Variants in IPCEF1 observed in about 807,000 individuals in gnomAD.
IPCEF1 encodes the protein interaction protein for cytohesin exchange factors 1, also known as interactor protein for cytohesin exchange factors 1.
In IPCEF1, 31 loss-of-function variants were observed where a neutral mutation model predicts 50.9. The observed-to-expected ratio is 0.61, with a 90% CI of 0.46 to 0.82. IPCEF1 has a LOEUF of 0.82. Ranked by LOEUF, IPCEF1 falls within the 40% of genes least tolerant of loss-of-function variation. The pLI, the probability that IPCEF1 is intolerant of heterozygous loss-of-function variation, is 0.00. For missense variants in IPCEF1, 458 were observed against 514.0 expected (o/e 0.89, Z 1.05); for synonymous variants, 181 against 192.0 (o/e 0.94, Z 0.47).
At chr6:154,214,061 A>G (rs1778185328) in intron 8 of IPCEF1, among the ~76,000 whole-genome samples, 157 bp downstream of exon 8, 1 of 152,218 alleles carries the variant, frequency 6.6e-6, no homozygotes, top group African/African-American at 2.4e-5. Context: ...AGTCTGTGTG[A>G]ATATGTCTGT....
At chr6:154,324,541 C>T (rs974050240) in intron 1 of IPCEF1, among the ~76,000 whole-genome samples, 1 of 152,186 alleles carries the variant, frequency 6.6e-6, no homozygotes, top group African/African-American at 2.4e-5. Context: ...GGTGCAGTGG[C>T]TCACACCTGT....
rs574196104 is a variant in IPCEF1 at position 154,268,099 on chromosome 6, G to A, written c.-17-2135C>T. Among the ~76,000 whole-genome samples the A allele has an allele frequency of 3.9e-5, 6 of 152,290 alleles. No homozygotes were observed. In the East Asian group the frequency reaches 7.7e-4, roughly 20 times the overall value. On this transcript the variant is annotated intron_variant, in intron 2 of 11. Transcript: ENST00000367220. The stretch of plus-strand genomic sequence containing the variant: ...TCTCACCAGGGACCTGCCCCCTTCC[G>A]CCCTGGCATCTGTCTGCCTCCTGCT...
intron 11 of IPCEF1, among the ~76,000 whole-genome samples, chr6:154,164,953 G>A (rs1402765355): frequency 6.6e-6 from 1 of 152,106 alleles, no homozygotes; most frequent in Non-Finnish European, 1.5e-5. Context: ...TCCCTGAAGT[G>A]CATTCATTCC....
chr6:154,291,951 G>A (rs1782527790), intron 1 of IPCEF1, among the ~76,000 whole-genome samples: 1 of 152,076 alleles, frequency 6.6e-6, no homozygotes, highest in Admixed American at 6.5e-5. Context: ...CCAAAGTGCT[G>A]GGATTACAGG....
rs200853397 is a variant in IPCEF1, at chr6:154,195,020, T to TC, written c.910+4647dup. On this transcript the variant is annotated intron_variant, in intron 10 of 11. Coordinates refer to ENST00000367220, the MANE Select transcript of IPCEF1 (RefSeq NM_001130700.2). ...TAGGCATGCTGCAGAACCCCTCATC[T>TC]CCCCTTCCTTCCCGTCTCCACTGCC... is the stretch of plus-strand genomic sequence containing the variant. Among the ~76,000 whole-genome samples, 1,349 of 152,024 alleles carry TC rather than the reference T, an allele frequency of 8.9e-3. 7 individuals carry two copies. Among genetic ancestry groups the TC allele is most frequent in the Non-Finnish European group, 0.013 (896 of 67,936 alleles).
chr6:154,290,810 C>T (rs1782493895), intron 1 of IPCEF1, among the ~76,000 whole-genome samples: 1 of 151,776 alleles, frequency 6.6e-6, no homozygotes, highest in Admixed American at 6.6e-5. Context: ...TTTTACTTCA[C>T]TTTTAAATAC....
chr6:154,351,542 G>A (rs1341377085), intron 1 of IPCEF1, among the ~76,000 whole-genome samples: 1 of 152,204 alleles, frequency 6.6e-6, no homozygotes, highest in Non-Finnish European at 1.5e-5. Flanking sequence ...TTAAAGTAGA[G>A]AGCAAATCTG....
chr6:154,312,588 C>T (rs1221266216), intron 1 of IPCEF1, among the ~76,000 whole-genome samples: 5 of 151,932 alleles, frequency 3.3e-5, no homozygotes, highest in African/African-American at 4.8e-5. Flanking sequence ...CCTCATGATC[C>T]GCCCGCCTCA....
At position 154,294,517 on chromosome 6, in the gene IPCEF1, A is replaced by T. The variant is rs945846253; in HGVS notation, c.-61-4761T>A. ...GCCAAGTATAAAGGGGTTTCCCGAG[A>T]ACCTTCGACTGGCCTGTGCACAGGG... On this transcript the variant is annotated intron_variant, in intron 1 of 11. Coordinates refer to ENST00000367220, the MANE Select transcript of IPCEF1 (RefSeq NM_001130700.2). Among the ~76,000 whole-genome samples the T allele has an allele frequency of 2.0e-5, 3 of 152,078 alleles. No individual in the cohort carries two copies. In the East Asian group the frequency reaches 5.8e-4, roughly 29 times the overall value.
chr6:154,202,082 G>A (rs986832234), intron 9 of IPCEF1, among the ~76,000 whole-genome samples: 17 of 152,156 alleles, frequency 1.1e-4, no homozygotes, highest in African/African-American at 4.1e-4. Context: ...TCTGAGTTTT[G>A]ATGGGAGAAG....
intron 3 of IPCEF1, among the ~76,000 whole-genome samples, chr6:154,261,291 T>C (rs1257624587): frequency 6.6e-6 from 1 of 152,138 alleles, no homozygotes; most frequent in African/African-American, 2.4e-5. Context: ...CCTCCCAAAA[T>C]GCTGGGATTG....
At chr6:154,193,817 A>C (rs1419034100) in intron 10 of IPCEF1, among the ~76,000 whole-genome samples, 4 of 152,254 alleles carry the variant, frequency 2.6e-5, no homozygotes, top group African/African-American at 9.6e-5. Flanking sequence ...CCCCAGCATC[A>C]AACATGACAA....
intron 10 of IPCEF1, among the ~76,000 whole-genome samples, chr6:154,194,732 C>G (rs372910944): frequency 1.3e-5 from 2 of 152,168 alleles, no homozygotes; most frequent in African/African-American, 4.8e-5. Context: ...GAATGGCCTA[C>G]TTAAATCACA....
At chr6:154,352,908 A>C (rs1784141781) in intron 1 of IPCEF1, among the ~76,000 whole-genome samples, 1 of 152,238 alleles carries the variant, frequency 6.6e-6, no homozygotes, top group Non-Finnish European at 1.5e-5. Flanking sequence ...GGGAGATTTA[A>C]ATTTAACTTA....
Position 154,167,991 on chromosome 6 carries a change from C to T in IPCEF1, c.1033G>A (p.Val345Ile). 1.2e-6 allele frequency: 2 copies of T among 1,611,664 alleles called. No individual in the cohort carries two copies. Among genetic ancestry groups the T allele is most frequent in the Non-Finnish European group, 1.7e-6 (2 of 1,178,104 alleles). Residue 345 changes from valine to isoleucine, a missense_variant, in exon 11 of 12, where the codon GTT (valine) becomes ATT (isoleucine). Transcript: ENST00000367220. ...STKKELRKSF[V>I]KRCKNPSINE... ...ATAGATGGATTTTTACACCGCTTAA[C>T]AAAGGATTTTCTCAACTCCTTTTTA...
At chr6:154,236,579 C>G (rs1326516952) in intron 5 of IPCEF1, among the ~76,000 whole-genome samples, 2 of 152,218 alleles carry the variant, frequency 1.3e-5, no homozygotes, top group Non-Finnish European at 2.9e-5. Flanking sequence ...TTTAAAGCTA[C>G]TACTCTGAAA....
chr6:154,341,989 A>G (rs1336486078), intron 1 of IPCEF1, among the ~76,000 whole-genome samples: 2 of 152,190 alleles, frequency 1.3e-5, no homozygotes, highest in African/African-American at 4.8e-5. Flanking sequence ...CAAAGAGGTT[A>G]AGCATAGAGG....
intron 5 of IPCEF1, among the ~76,000 whole-genome samples, chr6:154,241,034 G>A (rs1221732404): frequency 2.0e-5 from 3 of 151,870 alleles, no homozygotes; most frequent in South Asian, 2.1e-4. Flanking sequence ...TCAAGAGATC[G>A]AGACCATCCT....
chr6:154,345,737 C>A (rs1459230308), intron 1 of IPCEF1, among the ~76,000 whole-genome samples: 2 of 152,168 alleles, frequency 1.3e-5, no homozygotes, highest in Non-Finnish European at 2.9e-5. Flanking sequence ...AAAGAAATCT[C>A]TTCACTTATC....
Sources: gnomAD v4.1 joint callset for allele counts (sites outside exome capture counted in the v4.1 genomes callset) on GRCh38, gnomAD v4.1.1 for gene constraint, MANE v1.5 for transcripts, NCBI Gene and HGNC (gene_info 2026-07-23, HGNC 2026-07-21) for gene names.